The following CMSS1 variants were observed in gnomAD, a reference collection of about 807,000 sequenced individuals.
CMSS1 encodes the protein protein CMSS1.
In CMSS1, 33 loss-of-function variants were observed where a neutral mutation model predicts 43.5. That is an observed-to-expected ratio of 0.76 (90% CI 0.57 to 1.01). The LOEUF (loss-of-function observed/expected upper bound fraction) is 1.01. CMSS1 is among the 50% of genes least tolerant of loss of function. The pLI is 0.00. For missense variants in CMSS1, 313 were observed against 326.4 expected (o/e 0.96, Z 0.32); for synonymous variants, 115 against 117.2 (o/e 0.98, Z 0.12).
intron 1 of CMSS1, among the ~76,000 whole-genome samples, chr3:99,891,922 G>A (rs576845455): frequency 3.9e-5 from 6 of 152,050 alleles, no homozygotes; most frequent in East Asian, 3.9e-4. Flanking sequence ...AGAATCAGTC[G>A]GCTATCTAGA....
chr3:100,118,952 TC>T (rs1366643958), intron 1 of CMSS1, among the ~76,000 whole-genome samples: 2 of 152,162 alleles, frequency 1.3e-5, no homozygotes, highest in Non-Finnish European at 2.9e-5. Flanking sequence ...AGAAAAACAT[TC>T]CTAATCTTTT....
At chr3:100,045,737 A>T (rs2065268959) in intron 1 of CMSS1, among the ~76,000 whole-genome samples, 1 of 152,252 alleles carries the variant, frequency 6.6e-6, no homozygotes, top group African/African-American at 2.4e-5. Context: ...CAAAGCCTTT[A>T]CATTTCCAGA....
At chr3:99,976,702 A>G (rs1708982361) in intron 1 of CMSS1, among the ~76,000 whole-genome samples, 4 of 152,100 alleles carry the variant, frequency 2.6e-5, no homozygotes, top group African/African-American at 7.2e-5. Context: ...TAGTTTCAAT[A>G]TGATAGGATT....
chr3:100,117,066 TGAGGGAAGAG>T (rs2066576399), intron 1 of CMSS1, among the ~76,000 whole-genome samples: 1 of 152,160 alleles, frequency 6.6e-6, no homozygotes, highest in Non-Finnish European at 1.5e-5. Flanking sequence ...TTATAAAGAC[TGAGGGAAGAG>T]TTCAATTATT....
intron 1 of CMSS1, among the ~76,000 whole-genome samples, chr3:100,093,312 G>A (rs574175700): frequency 1.2e-4 from 18 of 152,050 alleles, no homozygotes; most frequent in African/African-American, 4.3e-4. Flanking sequence ...GTTCATTTTA[G>A]AAAAAGTCAG....
At chr3:100,065,428 A>G (rs1307464835) in intron 1 of CMSS1, among the ~76,000 whole-genome samples, 1 of 152,208 alleles carries the variant, frequency 6.6e-6, no homozygotes, top group Non-Finnish European at 1.5e-5. Context: ...CATCCTGCTA[A>G]CATTATGGCA....
intron 1 of CMSS1, among the ~76,000 whole-genome samples, chr3:99,932,486 T>C (rs1449761264): frequency 1.3e-5 from 2 of 152,118 alleles, no homozygotes; most frequent in Non-Finnish European, 2.9e-5. Context: ...TTTTGAATAT[T>C]TTTTTTTCAG....
intron 1 of CMSS1, chr3:99,848,908 G>C: frequency 6.2e-7 from 1 of 1,614,174 alleles, no homozygotes; most frequent in Non-Finnish European, 8.5e-7. Flanking sequence ...ACTCTCTGTG[G>C]TTGGACTTGT....
At position 100,077,724 on chromosome 3, in the gene CMSS1, A is replaced by G. The variant is rs137985427; in HGVS notation, c.65-69249A>G. Among the ~76,000 whole-genome samples the G allele has an allele frequency of 4.6e-3, 707 of 152,296 alleles. 2 individuals carry two copies. Among genetic ancestry groups the G allele is most frequent in the South Asian group, 7.0e-3 (34 of 4,824 alleles). On this transcript the variant is annotated intron_variant, in intron 1 of 9. Transcript: ENST00000421999. Reference sequence around the variant, plus strand: ...TAGTAGTTCAAGACCAGCCTGGGCAACATGGCAAGACCCTGTCTCTACAAG... The same window carrying G: ...TAGTAGTTCAAGACCAGCCTGGGCAGCATGGCAAGACCCTGTCTCTACAAG...
At chr3:99,969,266 AATG>A (rs1708744870) in intron 1 of CMSS1, among the ~76,000 whole-genome samples, 1 of 152,216 alleles carries the variant, frequency 6.6e-6, no homozygotes, top group Non-Finnish European at 1.5e-5. Flanking sequence ...TGAAGTAGAA[AATG>A]ATGTCATCTG....
chr3:99,906,511 A>G (rs1253313638), intron 1 of CMSS1, among the ~76,000 whole-genome samples: 2 of 152,222 alleles, frequency 1.3e-5, no homozygotes, highest in African/African-American at 2.4e-5. Flanking sequence ...TTTGATTAAC[A>G]TAACTTATTT....
At chr3:100,168,016 C>G (rs572452372) in intron 6 of CMSS1, among the ~76,000 whole-genome samples, 176 bp downstream of exon 6, 1 of 152,072 alleles carries the variant, frequency 6.6e-6, no homozygotes, top group Non-Finnish European at 1.5e-5. Context: ...TACATTATAA[C>G]GTCAAGTACA....
At chr3:100,109,545 G>GT (rs930475274) in intron 1 of CMSS1, among the ~76,000 whole-genome samples, 6 of 152,022 alleles carry the variant, frequency 3.9e-5, no homozygotes, top group African/African-American at 1.4e-4. Context: ...GTTTTTGGGG[G>GT]TTTTTTCCCA....
chr3:100,040,289 A>G (rs2065181917), intron 1 of CMSS1: 1 of 152,140 alleles, frequency 6.6e-6, no homozygotes, highest in African/African-American at 2.4e-5. Flanking sequence ...ATTCTCATCT[A>G]ACTCCCTCTT....
At chr3:100,060,420 A>G (rs6802817) in intron 1 of CMSS1, among the ~76,000 whole-genome samples, 89,064 of 151,792 alleles carry the variant, frequency 0.59, 26,339 homozygotes, top group East Asian at 0.72. Context: ...CTAGCAAGGT[A>G]GCTTTAAAGT....
rs558714259 is a variant in CMSS1, at chr3:99,854,308, G to A, written c.64+36265G>A. ...TGTACAGGATTTAGCATTGATACTTGCATTATATGCTAATGCAGGTTATCA... is the reference window on the plus strand; with the variant it reads ...TGTACAGGATTTAGCATTGATACTTACATTATATGCTAATGCAGGTTATCA... On this transcript the variant is annotated intron_variant, in intron 1 of 9. Coordinates refer to ENST00000421999, the MANE Select transcript of CMSS1 (RefSeq NM_032359.4). Among the ~76,000 whole-genome samples the A allele has an allele frequency of 2.0e-3, 304 of 152,162 alleles. 1 individual carries two copies. The highest frequency in any genetic ancestry group is 3.8e-3 in the Non-Finnish European group (257 of 68,004).
intron 1 of CMSS1, among the ~76,000 whole-genome samples, chr3:99,904,935 AGTCAGGTTTCAGTG>A (rs1223109027): frequency 1.3e-5 from 2 of 152,124 alleles, no homozygotes; most frequent in Non-Finnish European, 2.9e-5. Context: ...GGGTCCTTGA[AGTCAGGTTTCAGTG>A]TCTACCATTC....
At chr3:100,103,540 A>G (rs2066343808) in intron 1 of CMSS1, among the ~76,000 whole-genome samples, 1 of 152,200 alleles carries the variant, frequency 6.6e-6, no homozygotes, top group Admixed American at 6.5e-5. Flanking sequence ...TTTTCTAGGC[A>G]AGTTGGAAGC....
At chr3:100,042,117 T>C (rs1301218170) in intron 1 of CMSS1, among the ~76,000 whole-genome samples, 1 of 152,194 alleles carries the variant, frequency 6.6e-6, no homozygotes, top group East Asian at 1.9e-4. Flanking sequence ...AATTCTGGAA[T>C]TTGACCTTTA....
Sources: gnomAD v4.1 joint callset for allele counts (sites outside exome capture counted in the v4.1 genomes callset) on GRCh38, gnomAD v4.1.1 for gene constraint, MANE v1.5 for transcripts, NCBI Gene and HGNC (gene_info 2026-07-23, HGNC 2026-07-21) for gene names.